The following SRCAP variants were observed in gnomAD, a reference collection of about 807,000 sequenced individuals.
SRCAP encodes the protein chromatin remodeling protein SRCAP.
A neutral mutation model predicts 263.1 loss-of-function variants in SRCAP; 46 were observed. The ratio of observed to expected loss-of-function variants is 0.17; its 90% CI spans 0.14 to 0.22. SRCAP has a LOEUF of 0.22. Among genes scored for constraint, SRCAP ranks in the 10% least tolerant of loss-of-function variants. The probability of loss-of-function intolerance (pLI) is 1.00; values close to 1 mark genes in which losing one functional copy is unlikely to be tolerated. For synonymous variants in SRCAP, 1,813 were observed against 1,662.1 expected (o/e 1.09, Z -2.21); for missense variants, 3,695 against 4,181.9 (o/e 0.88, Z 3.21).
In SRCAP at chr16:30,710,786, C is replaced by T; in HGVS notation, c.1167C>T (p.Arg389=). 4 of 1,614,228 alleles carry T rather than the reference C, an allele frequency of 2.5e-6. No individual in the cohort carries two copies. Among genetic ancestry groups the T allele is most frequent in the Admixed American group, 1.7e-5 (1 of 60,036 alleles). The part of the protein sequence containing the change: ...IKPPPSAVTQ[R]NKQPWHPDED... ...CCCCACCCTCTGCTGTCACACAGCG[C>T]AACAAACAGCCTTGGCATCCAGATG... Residue 389 remains arginine, a synonymous_variant, in exon 9 of 34, where the codon CGC becomes CGT. Transcript: ENST00000262518.
rs774882612 is a variant in SRCAP at position 30,711,850 on chromosome 16, G to A, written c.1508G>A (p.Arg503Gln). 3.1e-5 allele frequency: 50 copies of A among 1,613,690 alleles called. No individual in the cohort carries two copies. The highest frequency in any genetic ancestry group is 4.5e-5 in the East Asian group (2 of 44,876). ...SSSQSDSVED[R>Q]SEDEEDEHSE... is the part of the protein sequence containing the mutation. ...TACCCTTTAGACTCTGTGGAGGACC[G>A]GAGTGAGGATGAGGAAGATGAACAT... is the stretch of plus-strand genomic sequence containing the variant. Residue 503 changes from arginine to glutamine, a missense_variant, in exon 12 of 34, where the codon CGG becomes CAG. This residue lies in a region of SRCAP where 288 missense variants were observed against 302.4 expected (regional missense o/e 0.95). Coordinates refer to ENST00000262518, the MANE Select transcript of SRCAP (RefSeq NM_006662.3).
chr16:30,713,176 C>T (rs1191970775), intron 14 of SRCAP, 32 bp from the exon 15 acceptor site: 2 of 1,607,454 alleles, frequency 1.2e-6, no homozygotes, highest in East Asian at 4.5e-5. Context: ...TTTCATCCCA[C>T]TATCTGCTAC....
At position 30,723,064 on chromosome 16, in the gene SRCAP, C is replaced by T. The variant is rs773970011; in HGVS notation, c.3994C>T (p.Arg1332Trp). 1.8e-5 allele frequency: 29 copies of T among 1,614,002 alleles called. No homozygotes were observed. The highest frequency in any genetic ancestry group is 6.7e-5 in the Admixed American group (4 of 59,992). Reference protein sequence around the residue: ...TPVPPLAPAPRPPSSGLPAVL... With the variant: ...TPVPPLAPAPWPPSSGLPAVL... ...TGTTCCTCCATTGGCCCCAGCACCC[C>T]GGCCTCCGAGCTCTGGGCTTCCAGC... Residue 1332 changes from arginine (R) to tryptophan (W), a missense_variant, in exon 24 of 34, where the codon CGG (arginine) becomes TGG (tryptophan). Coordinates refer to ENST00000262518, the MANE Select transcript of SRCAP (RefSeq NM_006662.3).
chr16:30,720,644 C>T, intron 19 of SRCAP, 69 bp from the exon 20 acceptor site: 2 of 1,463,106 alleles, frequency 1.4e-6, no homozygotes, highest in Non-Finnish European at 1.8e-6. Flanking sequence ...TCATTTTCTT[C>T]TTTTCTTTGA....
At chr16:30,712,551 T>A (rs772739571) in intron 13 of SRCAP, 112 bp downstream of exon 13, 91 of 1,516,968 alleles carry the variant, frequency 6.0e-5, no homozygotes, top group Non-Finnish European at 7.5e-5. Flanking sequence ...GGTCATTAAC[T>A]GTATAGAGAG....
chr16:30,738,594 A>T lies in SRCAP; in HGVS notation c.8554A>T (p.Thr2852Ser), dbSNP rs1265550607. The T allele has an allele frequency of 1.2e-6, 2 of 1,603,822 alleles. No individual in the cohort carries two copies. Among genetic ancestry groups the T allele is most frequent in the African/African-American group, 2.7e-5 (2 of 74,422 alleles). ...TGGAGACGGAGCACTGCTCGCCATC[A>T]CCCCACCTGCTGTGAAACGTCGGAG... ...ENGDGALLAITPPAVKRRRGR... is the reference protein window; with the variant it reads ...ENGDGALLAISPPAVKRRRGR... Residue 2852 changes from threonine (T) to serine (S), a missense_variant, in exon 34 of 34, where the codon ACC (threonine) becomes TCC (serine). By Grantham distance (58) the Thr-to-Ser change is moderately conservative. Around this residue, in one of 12 missense-constraint regions of SRCAP, gnomAD observed 1,207 missense variants for 1,142.9 expected, o/e 1.06. Transcript: ENST00000262518.
At chr16:30,711,394 C>A (rs977654720) in intron 10 of SRCAP, among the ~76,000 whole-genome samples, 177 bp from the exon 11 acceptor site, 2 of 152,174 alleles carry the variant, frequency 1.3e-5, no homozygotes, top group Non-Finnish European at 2.9e-5. Context: ...CATGGTACTT[C>A]CCCCAGGTTG....
chr16:30,738,148 C>T lies in SRCAP; in HGVS notation c.8108C>T (p.Thr2703Ile). The T allele has an allele frequency of 1.2e-6, 2 of 1,614,200 alleles. No homozygotes were observed. The highest frequency in any genetic ancestry group is 1.7e-6 in the Non-Finnish European group (2 of 1,180,048). Residue 2703 changes from threonine to isoleucine, a missense_variant, in exon 34 of 34, where the codon ACC becomes ATC. Coordinates refer to ENST00000262518, the MANE Select transcript of SRCAP (RefSeq NM_006662.3). The part of the protein sequence containing the change: ...LVTAEVAAPS[T>I]SSSATSSPEG... ...ACAGCTGAGGTTGCAGCTCCATCCACCTCATCTTCAGCCACTTCCTCGCCT... is the reference window on the plus strand; with the variant it reads ...ACAGCTGAGGTTGCAGCTCCATCCATCTCATCTTCAGCCACTTCCTCGCCT...
chr16:30,736,306 CT>C lies in SRCAP; in HGVS notation c.6837del (p.Gly2280ValfsTer27). On this transcript the variant is annotated frameshift_variant, in exon 32 of 34. Transcript: ENST00000262518. ...AEFNENDGFP[A>X]GEGEEAGRPG... ...TTTAATGAGAACGATGGGTTTCCTG[CT>C]GGTGAGGGAGAGGAAGCTGGCCGGC... 6.2e-7 allele frequency: 1 copy of C among 1,614,138 alleles called. No homozygotes were observed. The highest frequency in any genetic ancestry group is 8.5e-7 in the Non-Finnish European group (1 of 1,180,032).
At chr16:30,713,747 T>C (rs1251541878) in intron 16 of SRCAP, 36 bp downstream of exon 16, 1 of 1,602,878 alleles carries the variant, frequency 6.2e-7, no homozygotes. Context: ...GTATTGGGAA[T>C]GGTAAGGAAC....
intron 4 of SRCAP, among the ~76,000 whole-genome samples, chr16:30,705,002 T>G (rs1286919691): frequency 6.6e-6 from 1 of 152,120 alleles, no homozygotes; most frequent in East Asian, 1.9e-4. Context: ...GGGAACTTAG[T>G]AGAAACACAA....
In SRCAP at chr16:30,716,131, C is replaced by T. The variant is rs769009513; in HGVS notation, c.2559C>T (p.Tyr853=). 1.3e-5 allele frequency: 21 copies of T among 1,614,192 alleles called. No individual in the cohort carries two copies. In the Admixed American group the frequency reaches 1.7e-4, roughly 13 times the overall value. ...TTGAGAAGCAGATGCCCAAAAAGTA[C>T]GAGCATGTTATCCGCTGCAGGCTCT... ...VDVEKQMPKK[Y]EHVIRCRLSK... The change falls in exon 17 of 34, where the codon TAC becomes TAT. Residue 853 remains tyrosine (Y), a synonymous_variant. Transcript: ENST00000262518.
chr16:30,719,262 C>A (rs1331903157), intron 18 of SRCAP, among the ~76,000 whole-genome samples: 2 of 151,174 alleles, frequency 1.3e-5, no homozygotes, highest in African/African-American at 4.9e-5. Context: ...GTCACCCAGG[C>A]TGGAGTGCAG....
chr16:30,722,930 C>T (rs377505802), intron 23 of SRCAP, 33 bp from the exon 24 acceptor site: 4 of 1,579,476 alleles, frequency 2.5e-6, no homozygotes, highest in African/African-American at 2.7e-5. Flanking sequence ...TGTTTCTTTT[C>T]TACCTTCCTC....
rs758240262 is a variant in SRCAP at position 30,737,147 on chromosome 16, G to C, written c.7107G>C (p.Glu2369Asp). The C allele has an allele frequency of 3.1e-6, 5 of 1,614,040 alleles. No individual in the cohort carries two copies. Among genetic ancestry groups the C allele is most frequent in the Middle Eastern group, 1.6e-4 (1 of 6,062 alleles). ...EEEEGPGAGD[E>D]SSCGTGGGTH... ...AGGAGGGGCCGGGGGCTGGGGATGA[G>C]AGTTCCTGTGGGACTGGTGGAGGCA... The change falls in exon 34 of 34, where the codon GAG (glutamate) becomes GAC (aspartate). Residue 2369 changes from glutamate (E) to aspartate (D), a missense_variant. By Grantham distance (45) the Glu-to-Asp change is conservative. Transcript: ENST00000262518.
chr16:30,722,032 C>A, intron 21 of SRCAP, 90 bp from the exon 22 acceptor site: 1 of 1,482,964 alleles, frequency 6.7e-7, no homozygotes, highest in Middle Eastern at 1.9e-4. Context: ...TTGAACTGGA[C>A]ACTCGGGGGA....
At chr16:30,720,479 A>G (rs772379337) in intron 19 of SRCAP, 148 bp downstream of exon 19, 32 of 1,079,960 alleles carry the variant, frequency 3.0e-5, no homozygotes, top group Non-Finnish European at 4.1e-5. Context: ...TCAGGGAGAG[A>G]ATAACTAGAA....
At chr16:30,708,482 C>T (rs1395505869) in intron 6 of SRCAP, among the ~76,000 whole-genome samples, 2 of 152,174 alleles carry the variant, frequency 1.3e-5, no homozygotes, top group Admixed American at 6.5e-5. Flanking sequence ...CAACCTCTGC[C>T]TCCCAGGCTC....
chr16:30,729,445 C>T lies in SRCAP; in HGVS notation c.6000C>T (p.Ala2000=), dbSNP rs1456951692. The T allele has an allele frequency of 6.2e-7, 1 of 1,614,196 alleles. No individual in the cohort carries two copies. Among genetic ancestry groups the T allele is most frequent in the South Asian group, 1.1e-5 (1 of 91,086 alleles). ...LHACHPPPWL[A]PRQAAFQEQL... ...CCTGCCACCCACCTCCTTGGCTGGC[C>T]CCACGTCAGGCAGCCTTCCAGGAGC... Residue 2000 remains alanine (A), a synonymous_variant, in exon 27 of 34, where the codon GCC becomes GCT. Coordinates refer to ENST00000262518, the MANE Select transcript of SRCAP (RefSeq NM_006662.3).
Sources: gnomAD v4.1 joint callset for allele counts (sites outside exome capture counted in the v4.1 genomes callset) on GRCh38, gnomAD v4.1.1 for gene constraint, gnomAD v4.1.1 regional missense constraint, MANE v1.5 for transcripts, NCBI Gene and HGNC (gene_info 2026-07-23, HGNC 2026-07-21) for gene names.